PHKG2: variants seen among roughly 807,000 people sequenced by gnomAD.
PHKG2 encodes the protein phosphorylase b kinase gamma catalytic chain, liver/testis isoform.
In PHKG2, 28 loss-of-function variants were observed where a neutral mutation model predicts 44.5. The observed-to-expected ratio is 0.63, with a 90% CI of 0.47 to 0.86. The LOEUF is 0.86. Ranked by LOEUF, PHKG2 falls within the 40% of genes least tolerant of loss-of-function variation. The pLI, the probability that PHKG2 is intolerant of heterozygous loss-of-function variation, is 0.00. For synonymous variants in PHKG2, 220 were observed against 211.2 expected (o/e 1.04, Z -0.36); for missense variants, 498 against 547.5 (o/e 0.91, Z 0.90).
At chr16:30,748,627 T>G (rs2053284243) in intron 1 of PHKG2, 137 bp downstream of exon 1, 3 of 481,706 alleles carry the variant, frequency 6.2e-6, no homozygotes, top group Non-Finnish European at 1.1e-5. Flanking sequence ...CCTGCCATCC[T>G]CCCGCCCCCA....
intron 9 of PHKG2, 41 bp from the exon 10 acceptor site, chr16:30,756,763 T>C: frequency 1.2e-6 from 2 of 1,614,118 alleles, no homozygotes; most frequent in Non-Finnish European, 1.7e-6. Flanking sequence ...TGTCCCATGA[T>C]CTTTCCCCTG....
Position 30,758,780 on chromosome 16 carries a change from CCTG to C in PHKG2, c.*1684_*1686del, listed in dbSNP as rs1234056757. 1 of 659,174 alleles carries C rather than the reference CCTG, an allele frequency of 1.5e-6. No homozygotes were observed. The highest frequency in any genetic ancestry group is 2.5e-6 in the Non-Finnish European group (1 of 403,790). The allele number at this position is 659,174 out of a possible 1,614,324, so 40.8% of individuals were successfully genotyped here. ...GTGTTGCCCAGGCTGGTCGCGAACT[CCTG>C]AGCTCAGGCAATCCGCCTGCCTCAG... On this transcript the variant is annotated 3_prime_UTR_variant, in exon 10 of 10. Coordinates refer to ENST00000563588, the MANE Select transcript of PHKG2 (RefSeq NM_000294.3).
intron 2 of PHKG2, among the ~76,000 whole-genome samples, chr16:30,749,157 C>G (rs1381619643): frequency 1.4e-4 from 7 of 49,278 alleles, no homozygotes; most frequent in Admixed American, 4.2e-4. Flanking sequence ...GGTGGTGGTG[C>G]TGGTGGTGGT....
rs1176327782 is a variant in PHKG2, at chr16:30,756,531, G to T, written c.801+11G>T. 2.5e-6 allele frequency: 4 copies of T among 1,612,726 alleles called. No homozygotes were observed. The highest frequency in any genetic ancestry group is 3.4e-6 in the Non-Finnish European group (4 of 1,179,996). Reference sequence around the variant, plus strand: ...ACTGTCAAAGACCTGGTGAGCGGGGGCTGAGAGGACAGTAGGGGAGGCCCA... The same window carrying T: ...ACTGTCAAAGACCTGGTGAGCGGGGTCTGAGAGGACAGTAGGGGAGGCCCA... On this transcript the variant is annotated intron_variant, in intron 8 of 9. Coordinates refer to ENST00000563588, the MANE Select transcript of PHKG2 (RefSeq NM_000294.3).
chr16:30,751,502 C>T, intron 3 of PHKG2, 47 bp from the exon 4 acceptor site: 1 of 1,540,188 alleles, frequency 6.5e-7, no homozygotes, highest in South Asian at 1.1e-5. Flanking sequence ...AATGTGCATC[C>T]ACTCCTTTCC....
At chr16:30,753,088 A>G (rs1444705657) in intron 4 of PHKG2, 144 bp from the exon 5 acceptor site, 1 of 726,334 alleles carries the variant, frequency 1.4e-6, no homozygotes. Flanking sequence ...GCCTTGTTGG[A>G]GTGCTGTGTT....
chr16:30,760,515 C>T lies in PHKG2; in HGVS notation c.*3418C>T, dbSNP rs1461869205. 58 of 1,610,728 alleles carry T rather than the reference C, an allele frequency of 3.6e-5. No individual in the cohort carries two copies. Among genetic ancestry groups the T allele is most frequent in the South Asian group, 1.1e-5 (1 of 90,790 alleles). ...TCCTTTCATCACCCTACACCCACCA[C>T]ATGCTTTGGAGTCAGCCATTCCTCA... On this transcript the variant is annotated 3_prime_UTR_variant, in exon 10 of 10. Transcript: ENST00000563588.
chr16:30,760,104 A>G lies in PHKG2; in HGVS notation c.*3007A>G. On this transcript the variant is annotated 3_prime_UTR_variant, in exon 10 of 10. Transcript: ENST00000563588. ...AACAGTCCTGTAAAATGTGTGCTGT[A>G]TCCTTAATTTCTAGATAAGGAAGCA... 1.3e-6 allele frequency: 2 copies of G among 1,540,246 alleles called. No individual in the cohort carries two copies. Among genetic ancestry groups the G allele is most frequent in the Non-Finnish European group, 1.7e-6 (2 of 1,148,620 alleles).
chr16:30,760,005 A>C lies in PHKG2; in HGVS notation c.*2908A>C. The C allele has an allele frequency of 6.8e-7, 1 of 1,470,374 alleles. No individual in the cohort carries two copies. Among genetic ancestry groups the C allele is most frequent in the Non-Finnish European group, 8.9e-7 (1 of 1,117,746 alleles). 91.1% of individuals were successfully genotyped at this position (1,470,374 alleles called of 1,614,324 possible). ...TCATTTCAGCTATTAAACATTCTGA[A>C]GCAAGAGCTATTAAACATTCTAAAG... On this transcript the variant is annotated 3_prime_UTR_variant, in exon 10 of 10. Transcript: ENST00000563588.
rs369330243 is a variant in PHKG2, at chr16:30,759,194, CCA to C, written c.*2100_*2101del. 4.2e-4 allele frequency: 676 copies of C among 1,614,230 alleles called. 5 individuals carry two copies. In the East Asian group the frequency reaches 0.012, roughly 28 times the overall value. ...CTCCCTTACCCGTCTCACTCTCTGG[CCA>C]CAGTTTGGGTGGCTGTAGCCCCATG... On this transcript the variant is annotated 3_prime_UTR_variant, in exon 10 of 10. Transcript: ENST00000563588.
Position 30,756,546 on chromosome 16 carries a change from G to C in PHKG2, c.801+26G>C, listed in dbSNP as rs532223262. ...GTGAGCGGGGGCTGAGAGGACAGTA[G>C]GGGAGGCCCAAGAGCTGCCCCTCAT... On this transcript the variant is annotated intron_variant, in intron 8 of 9. Coordinates refer to ENST00000563588, the MANE Select transcript of PHKG2 (RefSeq NM_000294.3). 6.5e-5 allele frequency: 105 copies of C among 1,612,888 alleles called. No homozygotes were observed. The South Asian group carries it at 1.0e-3, about 16-fold the overall frequency.
At position 30,756,596 on chromosome 16, in the gene PHKG2, A is replaced by G; in HGVS notation, c.808A>G (p.Arg270Gly). The change falls in exon 9 of 10, where the codon AGG becomes GGG. Residue 270 changes from arginine to glycine, a missense_variant. By Grantham distance (125) the Arg-to-Gly change is moderately radical. Coordinates refer to ENST00000563588, the MANE Select transcript of PHKG2 (RefSeq NM_000294.3). ...TGCTCTGGGTCTCTCCTAGATCTCC[A>G]GGCTGCTGCAGGTGGATCCTGAGGC... ...RSSTVKDLISRLLQVDPEARL... is the reference protein window; with the variant it reads ...RSSTVKDLISGLLQVDPEARL... The G allele has an allele frequency of 6.2e-7, 1 of 1,613,854 alleles. No homozygotes were observed. Among genetic ancestry groups the G allele is most frequent in the Non-Finnish European group, 8.5e-7 (1 of 1,180,002 alleles).
At chr16:30,749,316 C>T (rs1214663589) in intron 2 of PHKG2, among the ~76,000 whole-genome samples, 2 of 151,698 alleles carry the variant, frequency 1.3e-5, no homozygotes, top group Non-Finnish European at 2.9e-5. Context: ...TTCAGGTTTT[C>T]TCAGGAGAAG....
rs368035673 is a variant in PHKG2, at chr16:30,759,149, C to T, written c.*2052C>T. 6 of 1,614,188 alleles carry T rather than the reference C, an allele frequency of 3.7e-6. No individual in the cohort carries two copies. Among genetic ancestry groups the T allele is most frequent in the Non-Finnish European group, 4.2e-6 (5 of 1,180,042 alleles). ...GACTGTGGCCCCAGGCCTGGCCCAG[C>T]CCAGCCCTGCCCTGGCACTCTCCCT... On this transcript the variant is annotated 3_prime_UTR_variant, in exon 10 of 10. Transcript: ENST00000563588.
Position 30,758,663 on chromosome 16 carries a change from C to G in PHKG2, c.*1566C>G, listed in dbSNP as rs1012216008. On this transcript the variant is annotated 3_prime_UTR_variant, in exon 10 of 10. Transcript: ENST00000563588. ...CTCCACCTCCTGGGTTCATGCAGTTCTCCTGCCTCAGCCTCCTGAGTAGCT... is the reference window on the plus strand; with the variant it reads ...CTCCACCTCCTGGGTTCATGCAGTTGTCCTGCCTCAGCCTCCTGAGTAGCT... 3.2e-6 allele frequency: 1 copy of G among 309,036 alleles called. No homozygotes were observed. Among genetic ancestry groups the G allele is most frequent in the African/African-American group, 2.2e-5 (1 of 46,084 alleles). 19.1% of individuals were successfully genotyped at this position (309,036 alleles called of 1,614,324 possible).
Position 30,756,394 on chromosome 16 carries a change from A to C in PHKG2, c.675A>C (p.Thr225=), listed in dbSNP as rs1218166072. The C allele has an allele frequency of 6.2e-7, 1 of 1,613,324 alleles. No homozygotes were observed. Among genetic ancestry groups the C allele is most frequent in the Admixed American group, 1.7e-5 (1 of 59,974 alleles). The change falls in exon 8 of 10, where the codon ACA becomes ACC. Residue 225 remains threonine (T), a synonymous_variant. Transcript: ENST00000563588. ...DLWACGVILF[T]LLAGSPPFWH... is the part of the protein sequence containing the mutation. ...GGGCCTGTGGGGTGATCTTGTTCAC[A>C]CTCCTGGCTGGCTCGCCACCCTTCT... is the stretch of plus-strand genomic sequence containing the variant.
At position 30,751,554 on chromosome 16, in the gene PHKG2, CTCA is replaced by C; in HGVS notation, c.280_282del (p.Ile94del). 1 of 1,613,358 alleles carries C rather than the reference CTCA, an allele frequency of 6.2e-7. No individual in the cohort carries two copies. Among genetic ancestry groups the C allele is most frequent in the Non-Finnish European group, 8.5e-7 (1 of 1,179,234 alleles). ...CTCTCTTCCTCTCTCCCTAGTCACC[CTCA>C]TCGATTCCTACGAGTCTTCTAGCTT... On this transcript the variant is annotated inframe_deletion, in exon 4 of 10. Transcript: ENST00000563588.
At chr16:30,753,580 T>C in intron 6 of PHKG2, 23 bp downstream of exon 6, 1 of 1,611,376 alleles carries the variant, frequency 6.2e-7, no homozygotes, top group South Asian at 1.1e-5. Context: ...AGTGCCCTAA[T>C]AGGCTTGGGA....
At chr16:30,754,138 G>A (rs571928275) in intron 6 of PHKG2, among the ~76,000 whole-genome samples, 2 of 151,964 alleles carry the variant, frequency 1.3e-5, no homozygotes, top group African/African-American at 4.8e-5. Flanking sequence ...ATTCACCTGT[G>A]AGGCAGGCAC....
Sources: gnomAD v4.1 joint callset for allele counts (sites outside exome capture counted in the v4.1 genomes callset) on GRCh38, gnomAD v4.1.1 for gene constraint, MANE v1.5 for transcripts, NCBI Gene and HGNC (gene_info 2026-07-23, HGNC 2026-07-21) for gene names.